Variants in STAM2 observed in about 807,000 individuals in gnomAD.
STAM2 encodes signal transducing adaptor molecule 2, also known as signal transducing adapter molecule 2.
STAM2 carries 51 observed loss-of-function variants against 65.6 expected under a neutral mutation model. The observed-to-expected ratio is 0.78, with a 90% confidence interval of 0.62 to 0.98. The LOEUF (loss-of-function observed/expected upper bound fraction) is 0.98, where lower values mean the gene tolerates loss of function less well. Among genes scored for constraint, STAM2 ranks in the 50% least tolerant of loss-of-function variants. The pLI is 0.00. For synonymous variants in STAM2, 198 were observed against 208.4 expected (o/e 0.95, Z 0.43); for missense variants, 584 against 617.8 (o/e 0.95, Z 0.58).
At chr2:152,130,858 A>G (rs1396300794) in intron 11 of STAM2, among the ~76,000 whole-genome samples, 1 of 151,564 alleles carries the variant, frequency 6.6e-6, no homozygotes, top group African/African-American at 2.4e-5. Flanking sequence ...TTAGCCGGGC[A>G]TGGTGGCAGG....
intron 1 of STAM2, among the ~76,000 whole-genome samples, chr2:152,165,169 C>T (rs34233450): frequency 0.22 from 32,778 of 151,840 alleles, 3,761 homozygotes; most frequent in Admixed American, 0.3. Flanking sequence ...CTCATGCCTG[C>T]AATCCCAGCA....
rs1301851507 is a variant in STAM2, at chr2:152,151,541, C to CTAAA, written c.41-1313_41-1312insTTTA. Among the ~76,000 whole-genome samples the CTAAA allele has an allele frequency of 2.0e-5, 3 of 152,160 alleles. No individual in the cohort carries two copies. In the East Asian group the frequency reaches 5.8e-4, roughly 29 times the overall value. ...AATTCATGTATCAATACAATTTACA[C>CTAAA]ATTTAAAATGTACAATTCAATGTTT... On this transcript the variant is annotated intron_variant, in intron 1 of 13. Coordinates refer to ENST00000263904, the MANE Select transcript of STAM2 (RefSeq NM_005843.6).
chr2:152,161,213 C>T (rs1689668328), intron 1 of STAM2, among the ~76,000 whole-genome samples: 1 of 151,478 alleles, frequency 6.6e-6, no homozygotes, highest in Non-Finnish European at 1.5e-5. Context: ...ACCCTGTGCT[C>T]TCTGAAACAT....
chr2:152,148,440 C>T (rs1017091989), intron 2 of STAM2, 140 bp from the exon 3 acceptor site: 4 of 659,742 alleles, frequency 6.1e-6, no homozygotes, highest in East Asian at 2.9e-5. Context: ...GAAGCCAAGG[C>T]GGGAGGATCA....
At chr2:152,131,140 A>G (rs537880641) in intron 11 of STAM2, among the ~76,000 whole-genome samples, 1 of 152,296 alleles carries the variant, frequency 6.6e-6, no homozygotes, top group Admixed American at 6.5e-5. Context: ...TAAAATTTTT[A>G]TAAGTACCAC....
At chr2:152,133,866 C>T (rs879076024) in intron 8 of STAM2, among the ~76,000 whole-genome samples, 11 of 152,104 alleles carry the variant, frequency 7.2e-5, no homozygotes, top group Admixed American at 7.2e-4. Context: ...TATATGACAG[C>T]AGACTATTAT....
At chr2:152,130,242 T>C (rs925753427) in intron 11 of STAM2, among the ~76,000 whole-genome samples, 5 of 151,962 alleles carry the variant, frequency 3.3e-5, no homozygotes, top group African/African-American at 1.2e-4. Context: ...TTGCTCCTAT[T>C]TTATTTTTAT....
intron 9 of STAM2, 47 bp downstream of exon 9, chr2:152,133,355 T>A (rs1329977003): frequency 3.2e-6 from 5 of 1,550,018 alleles, no homozygotes; most frequent in Non-Finnish European, 2.7e-6. Flanking sequence ...AGATAGTACA[T>A]TTAAATGTCT....
chr2:152,136,418 G>A (rs1394160535), intron 7 of STAM2, among the ~76,000 whole-genome samples: 1 of 151,982 alleles, frequency 6.6e-6, no homozygotes, highest in African/African-American at 2.4e-5. Context: ...ACTCCAGCCT[G>A]GAGGATAGAG....
intron 10 of STAM2, among the ~76,000 whole-genome samples, chr2:152,132,815 T>A (rs1689088891): frequency 6.6e-6 from 1 of 152,180 alleles, no homozygotes; most frequent in Non-Finnish European, 1.5e-5. Flanking sequence ...TTATCATGTA[T>A]AATTTTGTCC....
chr2:152,132,839 T>C (rs1178895840), intron 10 of STAM2, among the ~76,000 whole-genome samples: 1 of 152,162 alleles, frequency 6.6e-6, no homozygotes, highest in Non-Finnish European at 1.5e-5. Flanking sequence ...AAATTCATAA[T>C]ACAAGAACAT....
chr2:152,122,416 T>C (rs886208974), intron 13 of STAM2, among the ~76,000 whole-genome samples: 2 of 151,962 alleles, frequency 1.3e-5, no homozygotes, highest in African/African-American at 2.4e-5. Flanking sequence ...TAAAACCCCA[T>C]CTATAAAAAA....
rs1377892709 is a variant in STAM2, at chr2:152,123,774, T to G, written c.1341A>C (p.Ser447=). ...CAGCTCCCAAAACTTACCTTAAATA[T>G]GAAGTTTGAGCAGGCTGTGCTGTCA... ...SSVTAQPAQT[S]YLSTGQDTVS... Residue 447 remains serine, a synonymous_variant, in exon 13 of 14, where the codon TCA becomes TCC. Coordinates refer to ENST00000263904, the MANE Select transcript of STAM2 (RefSeq NM_005843.6). 1.2e-6 allele frequency: 2 copies of G among 1,613,250 alleles called. No individual in the cohort carries two copies. Among genetic ancestry groups the G allele is most frequent in the East Asian group, 4.5e-5 (2 of 44,876 alleles).
Position 152,159,825 on chromosome 2 carries a change from C to T in STAM2, c.41-9596G>A, listed in dbSNP as rs553466833. Among the ~76,000 whole-genome samples the T allele has an allele frequency of 2.0e-4, 30 of 152,364 alleles. 1 individual carries two copies. In the South Asian group the frequency reaches 6.2e-3, roughly 32 times the overall value. ...CGCCATCTCTGCTCACTGCAACCTCCCTGCCTCATTCTCCTGCCTCAGCCT... is the reference window on the plus strand; with the variant it reads ...CGCCATCTCTGCTCACTGCAACCTCTCTGCCTCATTCTCCTGCCTCAGCCT... On this transcript the variant is annotated intron_variant, in intron 1 of 13. Transcript: ENST00000263904.
intron 7 of STAM2, among the ~76,000 whole-genome samples, chr2:152,141,878 C>A (rs1260766025): frequency 3.7e-4 from 57 of 152,068 alleles, no homozygotes; most frequent in Non-Finnish European, 2.9e-5. Flanking sequence ...TGTTAGCCAC[C>A]ACGCCCTGCC....
chr2:152,158,163 T>C (rs1689587200), intron 1 of STAM2, among the ~76,000 whole-genome samples: 1 of 152,144 alleles, frequency 6.6e-6, no homozygotes, highest in South Asian at 2.1e-4. Flanking sequence ...AACTGAAAAG[T>C]ACAATATCTC....
intron 1 of STAM2, among the ~76,000 whole-genome samples, chr2:152,153,885 T>TACACACACACACACAC (rs70974824): frequency 1.4e-4 from 20 of 144,856 alleles, no homozygotes; most frequent in African/African-American, 3.9e-4. Flanking sequence ...AGACATTACA[T>TACACACACACACACAC]ACACACACAC....
At chr2:152,126,420 T>C (rs908292000) in intron 11 of STAM2, 41 bp from the exon 12 acceptor site, 3 of 1,241,286 alleles carry the variant, frequency 2.4e-6, no homozygotes, top group African/African-American at 1.6e-5. Flanking sequence ...TTCTAGTTTT[T>C]AGCATGTATT....
At chr2:152,164,820 G>A (rs746566152) in intron 1 of STAM2, among the ~76,000 whole-genome samples, 4 of 152,084 alleles carry the variant, frequency 2.6e-5, no homozygotes, top group African/African-American at 7.2e-5. Flanking sequence ...CGAAAAGAAG[G>A]GGGAAAAACA....
Sources: gnomAD v4.1 joint callset for allele counts (sites outside exome capture counted in the v4.1 genomes callset) on GRCh38, gnomAD v4.1.1 for gene constraint, MANE v1.5 for transcripts, NCBI Gene and HGNC (gene_info 2026-07-23, HGNC 2026-07-21) for gene names.